CKAP5: variants seen among roughly 807,000 people sequenced by gnomAD.
The protein encoded by CKAP5 is cytoskeleton-associated protein 5.
A neutral mutation model predicts 232.8 loss-of-function variants in CKAP5; 27 were observed. The observed-to-expected ratio is 0.12, with a 90% CI of 0.09 to 0.16. The LOEUF (loss-of-function observed/expected upper bound fraction) is 0.16. Among genes scored for constraint, CKAP5 ranks in the 10% least tolerant of loss-of-function variants. The pLI, the probability that CKAP5 is intolerant of heterozygous loss-of-function variation, is 1.00. For synonymous variants in CKAP5, 785 were observed against 841.1 expected (o/e 0.93, Z 1.16); for missense variants, 1,838 against 2,424.7 (o/e 0.76, Z 5.08).
At chr11:46,784,738 T>G in intron 16 of CKAP5, 65 bp from the exon 17 acceptor site, 1 of 1,121,358 alleles carries the variant, frequency 8.9e-7, no homozygotes. Context: ...TTACTTGTAT[T>G]AACAGCATGT....
chr11:46,803,394 G>T (rs146598807), intron 8 of CKAP5, among the ~76,000 whole-genome samples: 1 of 151,698 alleles, frequency 6.6e-6, no homozygotes, highest in South Asian at 2.1e-4. Context: ...TCAGCCTCCC[G>T]ACTGGCTGGG....
chr11:46,791,502 T>C (rs1938721062), intron 13 of CKAP5, among the ~76,000 whole-genome samples: 1 of 151,946 alleles, frequency 6.6e-6, no homozygotes, highest in Non-Finnish European at 1.5e-5. Flanking sequence ...CAAAACCCCA[T>C]CTCTACAAAA....
chr11:46,838,679 C>T (rs1480021758), intron 1 of CKAP5, among the ~76,000 whole-genome samples: 2 of 144,102 alleles, frequency 1.4e-5, no homozygotes, highest in African/African-American at 5.2e-5. Flanking sequence ...GCCTGTAGTC[C>T]CAGCCACTAG....
At chr11:46,822,142 A>T (rs972841864) in intron 1 of CKAP5, among the ~76,000 whole-genome samples, 14 of 151,756 alleles carry the variant, frequency 9.2e-5, no homozygotes, top group African/African-American at 7.3e-5. Context: ...AGCCAGGCGT[A>T]GTGGTGTGTG....
intron 3 of CKAP5, among the ~76,000 whole-genome samples, chr11:46,816,658 C>T (rs1939409184): frequency 6.6e-6 from 1 of 152,070 alleles, no homozygotes; most frequent in Non-Finnish European, 1.5e-5. Flanking sequence ...CCCTTGAAAT[C>T]CCACCACCCA....
intron 36 of CKAP5, 92 bp from the exon 37 acceptor site, chr11:46,753,589 G>T: frequency 2.0e-6 from 2 of 1,016,338 alleles, no homozygotes; most frequent in Non-Finnish European, 2.8e-6. Flanking sequence ...ATTCAATTAT[G>T]TTGTATTTTT....
At chr11:46,812,459 G>T (rs1939297488) in intron 4 of CKAP5, among the ~76,000 whole-genome samples, 1 of 152,120 alleles carries the variant, frequency 6.6e-6, no homozygotes, top group African/African-American at 2.4e-5. Context: ...GTGAGTATCA[G>T]ATTCTGGAGC....
intron 29 of CKAP5, 138 bp downstream of exon 29, chr11:46,763,343 A>G: frequency 1.0e-6 from 1 of 970,242 alleles, no homozygotes; most frequent in Non-Finnish European, 1.5e-6. Flanking sequence ...CATTTATTCT[A>G]CCAAATAACA....
At chr11:46,793,369 G>C (rs979001760) in intron 13 of CKAP5, among the ~76,000 whole-genome samples, 5 of 152,176 alleles carry the variant, frequency 3.3e-5, no homozygotes, top group African/African-American at 1.2e-4. Flanking sequence ...TAAACTTTTT[G>C]CATCTGCAGC....
At chr11:46,845,978 C>G (rs1445303051) in intron 1 of CKAP5, among the ~76,000 whole-genome samples, 2 of 151,678 alleles carry the variant, frequency 1.3e-5, no homozygotes, top group Non-Finnish European at 2.9e-5. Context: ...CTGCGGCGCG[C>G]TCTGGCCACC....
rs1477201302 is a variant in CKAP5, at chr11:46,809,648, CA to C, written c.763+93del. 2.7e-6 allele frequency: 4 copies of C among 1,462,698 alleles called. No homozygotes were observed. The African/African-American group carries it at 5.6e-5, about 21-fold the overall frequency. The allele number at this position is 1,462,698 out of a possible 1,614,324, so 90.6% of individuals were successfully genotyped here. On this transcript the variant is annotated intron_variant, in intron 6 of 43. Transcript: ENST00000529230. ...CATGCAACTTATATTTTATTAAAGG[CA>C]ATCCTACAAAATATGCCTAATGAAC...
chr11:46,812,401 A>G (rs1440442714), intron 4 of CKAP5, among the ~76,000 whole-genome samples: 1 of 152,220 alleles, frequency 6.6e-6, no homozygotes, highest in Non-Finnish European at 1.5e-5. Context: ...TACATTTTCA[A>G]GTTCCCAACT....
At position 46,830,068 on chromosome 11, in the gene CKAP5, T is replaced by A. The variant is rs140087918; in HGVS notation, c.-37-8800A>T. On this transcript the variant is annotated intron_variant, in intron 1 of 43. Coordinates refer to ENST00000529230, the MANE Select transcript of CKAP5 (RefSeq NM_001008938.4). ...GGATTGTTTGGGTGGGTAAAGGCAA[T>A]CACATATATCATTATGGGCAAGACG... Among the ~76,000 whole-genome samples the A allele has an allele frequency of 8.0e-3, 1,216 of 152,054 alleles. 4 individuals carry two copies. Among genetic ancestry groups the A allele is most frequent in the South Asian group, 0.039 (190 of 4,818 alleles).
intron 31 of CKAP5, 107 bp downstream of exon 31, chr11:46,762,520 A>C: frequency 7.3e-7 from 1 of 1,364,356 alleles, no homozygotes; most frequent in South Asian, 1.2e-5. Flanking sequence ...GGAGGTTGGA[A>C]TCAACTACAT....
rs765658570 is a variant in CKAP5, at chr11:46,795,716, C to T, written c.1528G>A (p.Asp510Asn). 21 of 1,614,088 alleles carry T rather than the reference C, an allele frequency of 1.3e-5. No homozygotes were observed. Among genetic ancestry groups the T allele is most frequent in the Non-Finnish European group, 1.7e-5 (20 of 1,179,978 alleles). Residue 510 changes from aspartate (D) to asparagine (N), a missense_variant, in exon 13 of 44, where the codon GAT (aspartate) becomes AAT (asparagine). Physicochemically the swap from Asp to Asn is conservative, Grantham distance 23. Coordinates refer to ENST00000529230, the MANE Select transcript of CKAP5 (RefSeq NM_001008938.4). ...GGCAGAGGTTTGAATTCCTTCTTAT[C>T]AGCAGCTAGTCCAGCTTTCTTACCA... Reference protein sequence around the residue: ...IHGKKAGLAADKKEFKPLPGR... With the variant: ...IHGKKAGLAANKKEFKPLPGR...
chr11:46,765,531 C>T (rs2065195437), intron 27 of CKAP5, among the ~76,000 whole-genome samples: 1 of 151,034 alleles, frequency 6.6e-6, no homozygotes, highest in African/African-American at 2.4e-5. Context: ...TAGTCTAGGT[C>T]ACAAACTTTT....
chr11:46,757,736 C>T (rs551592702), intron 35 of CKAP5, among the ~76,000 whole-genome samples: 2 of 144,838 alleles, frequency 1.4e-5, no homozygotes, highest in African/African-American at 2.6e-5. Context: ...TATAGGCGTG[C>T]GCCACCATGC....
intron 37 of CKAP5, chr11:46,753,031 T>C (rs1448145773): frequency 2.3e-6 from 1 of 441,094 alleles, no homozygotes; most frequent in Non-Finnish European, 4.0e-6. Flanking sequence ...AAATGCATGA[T>C]ATTGGCTGGC....
intron 35 of CKAP5, among the ~76,000 whole-genome samples, chr11:46,757,871 C>A (rs2065122813): frequency 6.6e-6 from 1 of 150,786 alleles, no homozygotes; most frequent in Non-Finnish European, 1.5e-5. Context: ...CAGGTGTGAG[C>A]CACCACACCT....
Sources: gnomAD v4.1 joint callset for allele counts (sites outside exome capture counted in the v4.1 genomes callset) on GRCh38, gnomAD v4.1.1 for gene constraint, MANE v1.5 for transcripts, NCBI Gene and HGNC (gene_info 2026-07-23, HGNC 2026-07-21) for gene names.